RPGRIP1L: variants seen among roughly 807,000 people sequenced by gnomAD.
RPGRIP1L encodes protein fantom.
RPGRIP1L carries 131 observed loss-of-function variants against 160.4 expected under a neutral mutation model. That is an observed-to-expected ratio of 0.82 (90% CI 0.71 to 0.94). The LOEUF is 0.94. RPGRIP1L is among the 40% of genes least tolerant of loss of function. The pLI is 0.00. For synonymous variants in RPGRIP1L, 510 were observed against 515.8 expected (o/e 0.99, Z 0.15); for missense variants, 1,522 against 1,535.8 (o/e 0.99, Z 0.15).
rs867025868 is a variant in RPGRIP1L, at chr16:53,635,963, T to C, written c.3294+476A>G. On this transcript the variant is annotated intron_variant, in intron 22 of 26. Coordinates refer to ENST00000647211, the MANE Select transcript of RPGRIP1L (RefSeq NM_015272.5). ...GCAAAGTATACCGGCACAAGATTAA[T>C]TGCTTTCTAAGAAGGCTTCACTTGT... 2.6e-5 allele frequency among the ~76,000 whole-genome samples: 4 copies of C among 152,338 alleles called. No individual in the cohort carries two copies. In the East Asian group the frequency reaches 5.8e-4, roughly 22 times the overall value.
chr16:53,684,331 T>C (rs1969831417), intron 6 of RPGRIP1L, among the ~76,000 whole-genome samples: 1 of 152,100 alleles, frequency 6.6e-6, no homozygotes, highest in African/African-American at 2.4e-5. Context: ...TAGCAAAGAC[T>C]TGGAATCAAC....
chr16:53,665,055 C>T, intron 9 of RPGRIP1L, 46 bp from the exon 10 acceptor site: 1 of 1,610,612 alleles, frequency 6.2e-7, no homozygotes. Context: ...AAATCAGCTT[C>T]AACCGAAAAT....
intron 16 of RPGRIP1L, among the ~76,000 whole-genome samples, chr16:53,647,924 T>C (rs373967787): frequency 3.4e-4 from 51 of 151,774 alleles, no homozygotes; most frequent in African/African-American, 1.2e-3. Context: ...CCTAACACAG[T>C]GAAACCCCGT....
intron 6 of RPGRIP1L, among the ~76,000 whole-genome samples, chr16:53,682,821 C>T (rs1265216785): frequency 6.6e-6 from 1 of 152,120 alleles, no homozygotes; most frequent in African/African-American, 2.4e-5. Context: ...AATCTTCTTC[C>T]TACAGAAATA....
At chr16:53,657,878 C>CA (rs2151158682) in intron 12 of RPGRIP1L, among the ~76,000 whole-genome samples, 1 of 151,886 alleles carries the variant, frequency 6.6e-6, no homozygotes, top group East Asian at 1.9e-4. Context: ...ATAGAGAAAT[C>CA]AAAAAATAGT....
intron 6 of RPGRIP1L, among the ~76,000 whole-genome samples, chr16:53,676,816 G>A (rs1969217012): frequency 6.6e-6 from 1 of 151,842 alleles, no homozygotes. Context: ...TGTATTTTTA[G>A]TAGAGACGGG....
rs1970744531 is a variant in RPGRIP1L at position 53,696,201 on chromosome 16, CTCA to C, written c.177_179del (p.Asp59del). 6.2e-7 allele frequency: 1 copy of C among 1,613,986 alleles called. No homozygotes were observed. The highest frequency in any genetic ancestry group is 8.5e-7 in the Non-Finnish European group (1 of 1,179,952). On this transcript the variant is annotated inframe_deletion, in exon 3 of 27. Transcript: ENST00000647211. ...GGGCATGCTGTTTAAGTAAAATGTT[CTCA>C]TCATGCAAACGCAAAAATCTGTCTT... is the stretch of plus-strand genomic sequence containing the variant.
In RPGRIP1L at chr16:53,649,035, G is replaced by A. The variant is rs1966775949; in HGVS notation, c.2233C>T (p.Leu745Phe). 6.2e-7 allele frequency: 1 copy of A among 1,613,772 alleles called. No individual in the cohort carries two copies. The highest frequency in any genetic ancestry group is 1.1e-5 in the South Asian group (1 of 91,072). The change falls in exon 16 of 27, where the codon CTT (leucine) becomes TTT (phenylalanine). Residue 745 changes from leucine to phenylalanine, a missense_variant. Coordinates refer to ENST00000647211, the MANE Select transcript of RPGRIP1L (RefSeq NM_015272.5). ...LRVPMDQAIR[L>F]YRERAKALGY... ...AAAGCCTTTGCCCTTTCTCGATAAA[G>A]TCGAATTGCTTGATCCATGGGAACT...
chr16:53,645,974 T>C lies in RPGRIP1L; in HGVS notation c.2334A>G (p.Gln778=), dbSNP rs1435869251. 10 of 1,614,064 alleles carry C rather than the reference T, an allele frequency of 6.2e-6. No individual in the cohort carries two copies. Among genetic ancestry groups the C allele is most frequent in the Middle Eastern group, 1.7e-4 (1 of 6,060 alleles). ...CATCTGTGGAATCTGTAGAACTGAG[T>C]TGAGCAGTTTTGGGTGCTTGCTGAC... ...SLSQQAPKTA[Q]LSSTDSTDGN... is the part of the protein sequence containing the mutation. Residue 778 remains glutamine, a synonymous_variant, in exon 17 of 27, where the codon CAA becomes CAG. Coordinates refer to ENST00000647211, the MANE Select transcript of RPGRIP1L (RefSeq NM_015272.5).
At chr16:53,700,504 A>C (rs1971312390) in intron 2 of RPGRIP1L, 135 bp downstream of exon 2, 1 of 739,412 alleles carries the variant, frequency 1.4e-6, no homozygotes, top group South Asian at 1.5e-5. Context: ...TAAACTCTCC[A>C]TCTTTTTGTT....
At chr16:53,625,381 TGGGAAC>T (rs1965039713) in intron 22 of RPGRIP1L, among the ~76,000 whole-genome samples, 1 of 147,480 alleles carries the variant, frequency 6.8e-6, no homozygotes, top group African/African-American at 2.5e-5. Context: ...CCACCCCGTC[TGGGAAC>T]TGGGGGGGGC....
At chr16:53,693,028 G>C (rs771869370) in intron 3 of RPGRIP1L, among the ~76,000 whole-genome samples, 4 of 152,164 alleles carry the variant, frequency 2.6e-5, no homozygotes, top group Non-Finnish European at 5.9e-5. Flanking sequence ...GACATCTCAG[G>C]AGTTTATACC....
chr16:53,646,182 T>C lies in RPGRIP1L; in HGVS notation c.2305-179A>G, dbSNP rs61488183. Among the ~76,000 whole-genome samples the C allele has an allele frequency of 0.026, 3,924 of 152,238 alleles. 165 individuals carry two copies. The highest frequency in any genetic ancestry group is 0.089 in the African/African-American group (3,711 of 41,522). On this transcript the variant is annotated intron_variant, in intron 16 of 26. Coordinates refer to ENST00000647211, the MANE Select transcript of RPGRIP1L (RefSeq NM_015272.5). ...AAATCAATATTCCCTAGAACATGTA[T>C]GAATAGATGATCCTGTTATTAGCAA...
chr16:53,637,928 T>C, intron 20 of RPGRIP1L, 74 bp from the exon 21 acceptor site: 7 of 1,445,922 alleles, frequency 4.8e-6, no homozygotes, highest in Non-Finnish European at 4.8e-6. Flanking sequence ...GCTGGAACAG[T>C]TGAATAATAA....
At chr16:53,681,350 T>C (rs1969592002) in intron 6 of RPGRIP1L, among the ~76,000 whole-genome samples, 1 of 152,208 alleles carries the variant, frequency 6.6e-6, no homozygotes. Flanking sequence ...ATAAATATTT[T>C]TGGAGTTGAA....
chr16:53,622,201 A>T lies in RPGRIP1L; in HGVS notation c.3432+18T>A. The T allele has an allele frequency of 1.5e-6, 1 of 656,734 alleles. No homozygotes were observed. Among genetic ancestry groups the T allele is most frequent in the Non-Finnish European group, 2.8e-6 (1 of 363,210 alleles). The allele number at this position is 656,734 out of a possible 1,614,324, so 40.7% of individuals were successfully genotyped here. A position where few individuals can be genotyped will look rare whatever the true frequency, so the allele number is the denominator to read the frequency against. ...AACATAGTGAAACCCCGTCTCTGCT[A>T]AAATTACAAAAAATTACCTGGGTGT... On this transcript the variant is annotated intron_variant, in intron 23 of 26. Transcript: ENST00000647211.
intron 24 of RPGRIP1L, among the ~76,000 whole-genome samples, chr16:53,616,706 A>G (rs1964394774): frequency 6.6e-6 from 1 of 152,176 alleles, no homozygotes; most frequent in Non-Finnish European, 1.5e-5. Flanking sequence ...TGATTGATTC[A>G]TTAAAAACAT....
chr16:53,648,814 A>C, intron 16 of RPGRIP1L, 150 bp downstream of exon 16: 5 of 701,684 alleles, frequency 7.1e-6, no homozygotes, highest in Admixed American at 5.2e-5. Context: ...TATTTTTACC[A>C]CTTCCTGTGA....
intron 6 of RPGRIP1L, among the ~76,000 whole-genome samples, chr16:53,682,776 G>A (rs1405215733): frequency 6.6e-6 from 1 of 152,114 alleles, no homozygotes; most frequent in African/African-American, 2.4e-5. Flanking sequence ...TTCTCACAAG[G>A]AACCATTCTT....
Sources: gnomAD v4.1 joint callset for allele counts (sites outside exome capture counted in the v4.1 genomes callset) on GRCh38, gnomAD v4.1.1 for gene constraint, MANE v1.5 for transcripts, NCBI Gene and HGNC (gene_info 2026-07-23, HGNC 2026-07-21) for gene names.